Variants in AFF1 observed in about 807,000 individuals in gnomAD.
The protein encoded by AFF1 is AF4/FMR2 family member 1.
AFF1 carries 48 observed loss-of-function variants against 121.7 expected under a neutral mutation model. The observed-to-expected ratio is 0.39, with a 90% CI of 0.31 to 0.50. AFF1 has a LOEUF of 0.50. Among genes scored for constraint, AFF1 ranks in the 20% least tolerant of loss-of-function variants. AFF1 has a pLI of 0.76. For missense variants in AFF1, 1,523 were observed against 1,511.7 expected (o/e 1.01, Z -0.12); for synonymous variants, 613 against 563.0 (o/e 1.09, Z -1.26).
intron 4 of AFF1, chr4:87,049,576 G>GT: frequency 1.8e-5 from 8 of 433,502 alleles, no homozygotes; most frequent in South Asian, 4.9e-5. Context: ...TGAAGAATGG[G>GT]GTTTTTTTTT....
At chr4:86,958,889 G>C (rs1721947000) in intron 2 of AFF1, among the ~76,000 whole-genome samples, 2 of 152,156 alleles carry the variant, frequency 1.3e-5, no homozygotes, top group South Asian at 4.1e-4. Flanking sequence ...ACAGTTGCAT[G>C]TATGTCCTAC....
Position 87,140,796 on chromosome 4 carries a change from T to C in AFF1, c.*5095T>C, listed in dbSNP as rs11539663. The stretch of plus-strand genomic sequence containing the variant: ...AACTTGGGGCTTTGTGAATAAAATT[T>C]AGCTGCCTTGTATAGTCGTTTGAAA... On this transcript the variant is annotated 3_prime_UTR_variant, in exon 21 of 21. Transcript: ENST00000395146. The C allele has an allele frequency of 0.032, 5,988 of 188,678 alleles. 130 individuals are homozygous for C. Among genetic ancestry groups the C allele is most frequent in the Non-Finnish European group, 0.054 (4,781 of 89,300 alleles). The allele number at this position is 188,678 out of a possible 1,614,324, so 11.7% of individuals were successfully genotyped here. A position where few individuals can be genotyped will look rare whatever the true frequency, so the allele number is the denominator to read the frequency against.
intron 2 of AFF1, among the ~76,000 whole-genome samples, chr4:86,981,026 G>A (rs1303321307): frequency 3.0e-5 from 4 of 132,858 alleles, no homozygotes; most frequent in African/African-American, 1.1e-4. Flanking sequence ...TGTTTGTTTT[G>A]TTTTGAGACG....
intron 2 of AFF1, among the ~76,000 whole-genome samples, chr4:86,987,263 A>G (rs1184684522): frequency 6.6e-6 from 1 of 151,498 alleles, no homozygotes; most frequent in Non-Finnish European, 1.5e-5. Context: ...TCTTATTATT[A>G]TAATGTATAA....
chr4:87,027,784 GTT>G (rs35903702), intron 2 of AFF1, among the ~76,000 whole-genome samples: 1,349 of 90,496 alleles, frequency 0.015, 5 homozygotes, highest in Middle Eastern at 0.026. Flanking sequence ...TTGCTGTTGG[GTT>G]TTTTTTTTTT....
chr4:87,011,093 A>G (rs1020788273), intron 2 of AFF1, among the ~76,000 whole-genome samples: 11 of 149,830 alleles, frequency 7.3e-5, no homozygotes, highest in Middle Eastern at 3.4e-3. Context: ...AAAAAAAAAA[A>G]AAAAGAAAAA....
intron 1 of AFF1, among the ~76,000 whole-genome samples, chr4:86,947,188 A>G (rs757199923): frequency 8.5e-5 from 13 of 152,160 alleles, no homozygotes; most frequent in Non-Finnish European, 8.8e-5. Context: ...GGGGGCCACT[A>G]TTGCTGGTCA....
At chr4:87,037,252 A>G (rs1213507112) in intron 2 of AFF1, among the ~76,000 whole-genome samples, 1 of 152,190 alleles carries the variant, frequency 6.6e-6, no homozygotes, top group African/African-American at 2.4e-5. Context: ...CGTTAACAAA[A>G]TGCTCCCCAA....
intron 2 of AFF1, among the ~76,000 whole-genome samples, chr4:87,018,525 G>C (rs1727579493): frequency 6.6e-6 from 1 of 152,164 alleles, no homozygotes; most frequent in Admixed American, 6.5e-5. Context: ...GAGAAGGATG[G>C]CTTTTTTTGA....
chr4:87,104,950 G>A lies in AFF1; in HGVS notation c.1284-678G>A, dbSNP rs569098538. On this transcript the variant is annotated intron_variant, in intron 8 of 20. Transcript: ENST00000395146. ...AGTTTGTATTACTGTTCTTCCCATT[G>A]ATCAGTGTTCACATAGGCAAAAGAG... Among the ~76,000 whole-genome samples the A allele has an allele frequency of 5.3e-5, 8 of 151,602 alleles. No individual in the cohort carries two copies. The East Asian group carries it at 1.4e-3, about 26-fold the overall frequency.
chr4:86,948,636 A>T, intron 2 of AFF1, 65 bp downstream of exon 2: 1 of 1,470,134 alleles, frequency 6.8e-7, no homozygotes, highest in Non-Finnish European at 9.1e-7. Context: ...CTTTTCAATG[A>T]ATAAGTTTGG....
intron 18 of AFF1, 28 bp downstream of exon 18, chr4:87,131,892 A>C (rs1728864010): frequency 3.3e-6 from 5 of 1,512,610 alleles, no homozygotes; most frequent in Non-Finnish European, 4.4e-6. Flanking sequence ...TCTAAATAGT[A>C]CTAAATTTGT....
intron 2 of AFF1, among the ~76,000 whole-genome samples, chr4:86,972,102 T>A (rs184866806): frequency 3.6e-4 from 42 of 118,192 alleles, no homozygotes; most frequent in South Asian, 2.9e-4. Flanking sequence ...TGCATGGCAC[T>A]CTAACCTGGG....
chr4:86,959,006 C>A (rs983986846), intron 2 of AFF1, among the ~76,000 whole-genome samples: 1 of 152,170 alleles, frequency 6.6e-6, no homozygotes, highest in Non-Finnish European at 1.5e-5. Flanking sequence ...GGACATTTGA[C>A]AATGTCTAGA....
chr4:87,007,305 G>A, intron 2 of AFF1: 1 of 1,582,796 alleles, frequency 6.3e-7, no homozygotes, highest in Non-Finnish European at 8.6e-7. Context: ...GCCGGGACGC[G>A]TCCCCGCCCG....
At chr4:87,015,990 G>A (rs543774636) in intron 2 of AFF1, among the ~76,000 whole-genome samples, 1 of 152,282 alleles carries the variant, frequency 6.6e-6, no homozygotes, top group South Asian at 2.1e-4. Flanking sequence ...AGAGCAGCCT[G>A]GTCAACATGG....
rs1207332524 is a variant in AFF1 at position 86,948,562 on chromosome 4, G to T, written c.29G>T (p.Ser10Ile). The part of the protein sequence containing the change: MAFTERVNS[S>I]GNSLYNDDRN... Reference sequence around the variant, plus strand: ...GCATTTACAGAAAGAGTCAACAGCAGTGGCAACAGGTAAGCATAGAATCTA... The same window carrying T: ...GCATTTACAGAAAGAGTCAACAGCATTGGCAACAGGTAAGCATAGAATCTA... The change falls in exon 2 of 21, where the codon AGT (serine) becomes ATT (isoleucine). Residue 10 changes from serine to isoleucine, a missense_variant. By Grantham distance (142) the Ser-to-Ile change is moderately radical (BLOSUM62 -2). Around this residue, in one of 5 missense-constraint regions of AFF1, gnomAD observed 369 missense variants for 367.2 expected, o/e 1.00. Transcript: ENST00000395146. 3.3e-6 allele frequency: 5 copies of T among 1,536,824 alleles called. No homozygotes were observed. Among genetic ancestry groups the T allele is most frequent in the Admixed American group, 2.0e-5 (1 of 51,006 alleles).
Position 87,127,097 on chromosome 4 carries a change from G to T in AFF1, c.2883G>T (p.Lys961Asn). 1 of 1,611,698 alleles carries T rather than the reference G, an allele frequency of 6.2e-7. No homozygotes were observed. Among genetic ancestry groups the T allele is most frequent in the Non-Finnish European group, 8.5e-7 (1 of 1,178,820 alleles). Residue 961 changes from lysine to asparagine, a missense_variant, in exon 15 of 21, where the codon AAG (lysine) becomes AAT (asparagine). Transcript: ENST00000395146. ...SLPNGNSKPG[K>N]PQVKFDKQQA... ...CAAATGGTAACTCTAAACCAGGGAAGCCTCAAGTGAAGTTTGACAAGTAAG... is the reference window on the plus strand; with the variant it reads ...CAAATGGTAACTCTAAACCAGGGAATCCTCAAGTGAAGTTTGACAAGTAAG...
chr4:86,954,123 C>T (rs775546793), intron 2 of AFF1, among the ~76,000 whole-genome samples: 19 of 152,192 alleles, frequency 1.2e-4, no homozygotes, highest in Non-Finnish European at 2.6e-4. Flanking sequence ...CATCACTGTT[C>T]TGACTTGTAA....
Sources: allele counts gnomAD v4.1 joint callset (sites outside exome capture counted in the v4.1 genomes callset), GRCh38; gene constraint gnomAD v4.1.1; regional missense constraint gnomAD v4.1.1; transcripts MANE v1.5; gene names NCBI Gene and HGNC (gene_info 2026-07-23, HGNC 2026-07-21).